The following PRKG1 variants were observed in gnomAD, a reference collection of about 807,000 sequenced individuals.
PRKG1 encodes the protein protein kinase cGMP-dependent 1, also known as cGMP-dependent protein kinase 1.
Under a neutral mutation model 88.1 loss-of-function variants are expected in PRKG1, and 35 were observed. The observed-to-expected ratio is 0.40, with a 90% CI of 0.30 to 0.53. The LOEUF (loss-of-function observed/expected upper bound fraction) is 0.53, where lower values mean the gene tolerates loss of function less well. Ranked by LOEUF, PRKG1 falls within the 20% of genes least tolerant of loss-of-function variation. The pLI, the probability that PRKG1 is intolerant of heterozygous loss-of-function variation, is 0.59. For synonymous variants in PRKG1, 303 were observed against 292.5 expected (o/e 1.04, Z -0.37); for missense variants, 540 against 839.8 (o/e 0.64, Z 4.41).
At chr10:51,055,365 A>G (rs979291467) in intron 1 of PRKG1, among the ~76,000 whole-genome samples, 2 of 152,222 alleles carry the variant, frequency 1.3e-5, no homozygotes, top group Admixed American at 6.6e-5. Context: ...TCATTAAAAA[A>G]AAATCTTAAT....
chr10:51,725,043 C>G (rs1842100586), intron 3 of PRKG1, among the ~76,000 whole-genome samples: 1 of 152,014 alleles, frequency 6.6e-6, no homozygotes, highest in African/African-American at 2.4e-5. Flanking sequence ...AAAAATCAAG[C>G]ACTTTATAAA....
intron 10 of PRKG1, among the ~76,000 whole-genome samples, chr10:52,261,231 G>T (rs1458866026): frequency 6.6e-6 from 1 of 151,878 alleles, no homozygotes; most frequent in Non-Finnish European, 1.5e-5. Flanking sequence ...CTGGCCACCA[G>T]CTGTAGAACT....
At chr10:51,233,976 C>T (rs553469818) in intron 2 of PRKG1, among the ~76,000 whole-genome samples, 8 of 152,120 alleles carry the variant, frequency 5.3e-5, no homozygotes, top group African/African-American at 7.2e-5. Context: ...ATGTAGGGAA[C>T]GGTCTCTTTA....
intron 2 of PRKG1, among the ~76,000 whole-genome samples, chr10:51,246,866 AAG>A (rs932258797): frequency 1.6e-4 from 25 of 152,008 alleles, no homozygotes; most frequent in Non-Finnish European, 3.2e-4. Flanking sequence ...CAGTTTTCAG[AAG>A]AACATGTACC....
At chr10:52,131,935 G>A (rs142708956) in intron 7 of PRKG1, among the ~76,000 whole-genome samples, 81 of 150,078 alleles carry the variant, frequency 5.4e-4, no homozygotes, top group African/African-American at 1.9e-3. Context: ...AAAAATTTTA[G>A]AGTTAAGATG....
At chr10:51,963,699 C>T (rs938172159) in intron 5 of PRKG1, among the ~76,000 whole-genome samples, 15 of 152,098 alleles carry the variant, frequency 9.9e-5, no homozygotes, top group African/African-American at 3.6e-4. Context: ...CCACCCACTC[C>T]AGCCTCCCCA....
At chr10:52,206,743 C>T (rs1266407059) in intron 9 of PRKG1, among the ~76,000 whole-genome samples, 1 of 152,174 alleles carries the variant, frequency 6.6e-6, no homozygotes, top group Non-Finnish European at 1.5e-5. Context: ...TGGTACTGGG[C>T]CCCAGTTCTA....
At chr10:51,420,014 G>A (rs1211172285) in intron 2 of PRKG1, among the ~76,000 whole-genome samples, 2 of 152,048 alleles carry the variant, frequency 1.3e-5, no homozygotes, top group African/African-American at 2.4e-5. Context: ...AAAATGAAAG[G>A]CTCCTCTTCC....
At chr10:51,609,969 G>A (rs1838863806) in intron 3 of PRKG1, among the ~76,000 whole-genome samples, 1 of 152,034 alleles carries the variant, frequency 6.6e-6, no homozygotes, top group South Asian at 2.1e-4. Context: ...TGCACATCCT[G>A]CACATGTACC....
chr10:51,287,147 T>C (rs1840462600), intron 2 of PRKG1, among the ~76,000 whole-genome samples: 3 of 152,144 alleles, frequency 2.0e-5, no homozygotes, highest in South Asian at 4.1e-4. Flanking sequence ...AAAGTGCTGG[T>C]ATTACACGTA....
intron 2 of PRKG1, among the ~76,000 whole-genome samples, chr10:51,239,714 T>A (rs1041988266): frequency 4.6e-5 from 7 of 152,136 alleles, no homozygotes; most frequent in African/African-American, 1.4e-4. Context: ...GCTGAGGAAG[T>A]GGTTACAAGA....
chr10:51,845,259 T>C (rs1840369686), intron 4 of PRKG1, among the ~76,000 whole-genome samples: 1 of 152,156 alleles, frequency 6.6e-6, no homozygotes, highest in Non-Finnish European at 1.5e-5. Context: ...CTTGCTGTCT[T>C]TCCAGATTTT....
intron 5 of PRKG1, among the ~76,000 whole-genome samples, chr10:51,973,643 T>C (rs1314691743): frequency 2.0e-5 from 3 of 152,196 alleles, no homozygotes; most frequent in Non-Finnish European, 4.4e-5. Flanking sequence ...CTCTAAACAG[T>C]TCATCTTCAA....
intron 2 of PRKG1, among the ~76,000 whole-genome samples, chr10:51,342,390 G>T (rs914897210): frequency 4.6e-5 from 7 of 151,992 alleles, no homozygotes; most frequent in African/African-American, 1.7e-4. Context: ...TCCTTATACA[G>T]AGAAATACCA....
chr10:52,244,011 G>C (rs1162050364), intron 9 of PRKG1, among the ~76,000 whole-genome samples: 1 of 152,068 alleles, frequency 6.6e-6, no homozygotes, highest in Non-Finnish European at 1.5e-5. Context: ...CCCTGAAGAA[G>C]AGATTATATT....
At chr10:52,053,552 T>C (rs1228759602) in intron 5 of PRKG1, among the ~76,000 whole-genome samples, 2 of 152,178 alleles carry the variant, frequency 1.3e-5, no homozygotes, top group African/African-American at 2.4e-5. Flanking sequence ...CAGAGAAGGA[T>C]AGGGCCAGAT....
At chr10:52,011,263 A>T (rs193011103) in intron 5 of PRKG1, among the ~76,000 whole-genome samples, 1 of 152,300 alleles carries the variant, frequency 6.6e-6, no homozygotes, top group East Asian at 1.9e-4. Flanking sequence ...TTTATGCTAC[A>T]TAGTTCTAGG....
chr10:51,024,394 A>G (rs986219863), intron 1 of PRKG1, among the ~76,000 whole-genome samples: 1 of 152,136 alleles, frequency 6.6e-6, no homozygotes, highest in African/African-American at 2.4e-5. Flanking sequence ...CCTTCCTCAT[A>G]TGAACATAAT....
At chr10:51,929,952 C>T (rs573117446) in intron 5 of PRKG1, among the ~76,000 whole-genome samples, 3 of 152,086 alleles carry the variant, frequency 2.0e-5, no homozygotes, top group African/African-American at 4.8e-5. Flanking sequence ...CACATAGAAG[C>T]GTTATTGGAA....
Sources: allele counts gnomAD v4.1 joint callset (sites outside exome capture counted in the v4.1 genomes callset), GRCh38; gene constraint gnomAD v4.1.1; transcripts MANE v1.5; gene names NCBI Gene and HGNC (gene_info 2026-07-23, HGNC 2026-07-21).